Variants in CDC25C observed in about 807,000 individuals in gnomAD.
CDC25C encodes the protein cell division cycle 25C, also known as M-phase inducer phosphatase 3.
In CDC25C, 48 loss-of-function variants were observed where a neutral mutation model predicts 52.5. The observed-to-expected ratio is 0.91, with a 90% confidence interval of 0.72 to 1.16. The LOEUF (loss-of-function observed/expected upper bound fraction) is 1.16, where lower values mean the gene tolerates loss of function less well. CDC25C is among the 50% of genes most tolerant of loss of function. The pLI, the probability that CDC25C is intolerant of heterozygous loss-of-function variation, is 0.00. For synonymous variants in CDC25C, 187 were observed against 206.5 expected (o/e 0.91, Z 0.81); for missense variants, 510 against 566.1 (o/e 0.90, Z 1.01).
intron 3 of CDC25C, 82 bp downstream of exon 3, chr5:138,329,471 C>T: frequency 1.1e-6 from 1 of 903,078 alleles, no homozygotes; most frequent in Admixed American, 2.0e-5. Flanking sequence ...ACTTTCACCA[C>T]CTTCCGTCTC....
intron 7 of CDC25C, among the ~76,000 whole-genome samples, chr5:138,301,400 G>T (rs1376925441): frequency 6.6e-6 from 1 of 152,018 alleles, no homozygotes; most frequent in Non-Finnish European, 1.5e-5. Flanking sequence ...CACTCAAAAA[G>T]AAACAGTTAA....
intron 7 of CDC25C, among the ~76,000 whole-genome samples, chr5:138,302,287 G>T (rs1051923656): frequency 6.6e-6 from 1 of 151,484 alleles, no homozygotes; most frequent in Non-Finnish European, 1.5e-5. Context: ...ATGAGCCACC[G>T]TGCTCGGCCG....
chr5:138,331,879 C>T, upstream of CDC25C: 1 of 985,678 alleles, frequency 1.0e-6, no homozygotes, highest in Non-Finnish European at 1.2e-6. Flanking sequence ...CTCTAAGCTG[C>T]GTCAGCCAAT....
chr5:138,301,591 A>G (rs1192676587), intron 7 of CDC25C, among the ~76,000 whole-genome samples: 1 of 151,486 alleles, frequency 6.6e-6, no homozygotes, highest in Non-Finnish European at 1.5e-5. Context: ...TTTGCAAATC[A>G]TTTCATGATG....
chr5:138,322,569 G>C (rs1299244408), intron 6 of CDC25C, among the ~76,000 whole-genome samples: 3 of 136,582 alleles, frequency 2.2e-5, no homozygotes, highest in Non-Finnish European at 4.6e-5. Flanking sequence ...TCCGCCTCCC[G>C]GGTTCACGCC....
At chr5:138,333,898 A>T (rs893565830), upstream of CDC25C, among the ~76,000 whole-genome samples, 1 of 152,104 alleles carries the variant, frequency 6.6e-6, no homozygotes, top group Non-Finnish European at 1.5e-5. Flanking sequence ...TAAGTTTCTG[A>T]GATTTCTCAA....
At chr5:138,329,146 G>A (rs552839092) in intron 3 of CDC25C, among the ~76,000 whole-genome samples, 4 of 152,156 alleles carry the variant, frequency 2.6e-5, no homozygotes, top group East Asian at 1.9e-4. Context: ...CTCGTGACCC[G>A]CCCGCCTTGC....
At chr5:138,307,490 C>CAAAAAAAAAAAAAAAAAAAAGAAAAAAA (rs1758097740) in intron 7 of CDC25C, among the ~76,000 whole-genome samples, 1 of 88,248 alleles carries the variant, frequency 1.1e-5, no homozygotes, top group Non-Finnish European at 2.0e-5. Context: ...GAGACTGCCA[C>CAAAAAAAAAAAAAAAAAAAAGAAAAAAA]AAAAAAAAAA....
chr5:138,291,101 C>T (rs1206537423), intron 8 of CDC25C, among the ~76,000 whole-genome samples: 5 of 151,602 alleles, frequency 3.3e-5, no homozygotes, highest in African/African-American at 9.7e-5. Context: ...TATAAAATAT[C>T]CAAAGATTTT....
chr5:138,313,995 C>CTTT (rs766176155), intron 7 of CDC25C, among the ~76,000 whole-genome samples: 10 of 112,676 alleles, frequency 8.9e-5, no homozygotes, highest in African/African-American at 1.6e-4. Flanking sequence ...TTCTTTCTTT[C>CTTT]TTTTTTTTTT....
chr5:138,331,842 C>T, upstream of CDC25C: 1 of 981,606 alleles, frequency 1.0e-6, no homozygotes, highest in Non-Finnish European at 1.2e-6. Flanking sequence ...AAACCTTCCG[C>T]CAGCCCAGTA....
intron 7 of CDC25C, among the ~76,000 whole-genome samples, chr5:138,297,163 G>A (rs187069020): frequency 2.0e-5 from 3 of 151,750 alleles, no homozygotes; most frequent in Admixed American, 1.3e-4. Context: ...CGCCTGCCTC[G>A]GCCTGCCAAA....
At chr5:138,315,976 G>C (rs892117903) in intron 7 of CDC25C, among the ~76,000 whole-genome samples, 2 of 152,276 alleles carry the variant, frequency 1.3e-5, no homozygotes, top group African/African-American at 4.8e-5. Flanking sequence ...ACAAACTGCA[G>C]CTGTTAACCT....
chr5:138,314,212 G>T (rs1288079918), intron 7 of CDC25C, among the ~76,000 whole-genome samples: 1 of 151,558 alleles, frequency 6.6e-6, no homozygotes, highest in Non-Finnish European at 1.5e-5. Context: ...GGTCAGGCTG[G>T]TCTCAAACTC....
chr5:138,292,514 T>C (rs1260062234), intron 7 of CDC25C, among the ~76,000 whole-genome samples: 2 of 144,658 alleles, frequency 1.4e-5, no homozygotes, highest in African/African-American at 5.0e-5. Flanking sequence ...CATAAGTCCA[T>C]TTTGTCTCTG....
chr5:138,301,187 T>C (rs186267197), intron 7 of CDC25C, among the ~76,000 whole-genome samples: 2 of 152,180 alleles, frequency 1.3e-5, no homozygotes, highest in East Asian at 3.9e-4. Flanking sequence ...TTTAAAAAGA[T>C]CAATATTGAT....
At chr5:138,286,692 G>C in intron 11 of CDC25C, 62 bp from the exon 12 acceptor site, 2 of 1,481,028 alleles carry the variant, frequency 1.4e-6, no homozygotes, top group Non-Finnish European at 1.8e-6. Context: ...CCAATACTTA[G>C]AAATGACTGA....
chr5:138,305,681 G>T (rs993545502), intron 7 of CDC25C, among the ~76,000 whole-genome samples: 14 of 152,182 alleles, frequency 9.2e-5, no homozygotes, highest in Admixed American at 7.9e-4. Flanking sequence ...GATTACAAGT[G>T]TGAGCCACCA....
At chr5:138,286,686 T>C in intron 11 of CDC25C, 56 bp from the exon 12 acceptor site, 3 of 1,514,556 alleles carry the variant, frequency 2.0e-6, no homozygotes, top group Non-Finnish European at 2.7e-6. Flanking sequence ...ACAGTGCCAA[T>C]ACTTAGAAAT....
Sources: allele counts gnomAD v4.1 joint callset (sites outside exome capture counted in the v4.1 genomes callset), GRCh38; gene constraint gnomAD v4.1.1; transcripts MANE v1.5; gene names NCBI Gene and HGNC (gene_info 2026-07-23, HGNC 2026-07-21).